The following NEURL4 variants were observed in gnomAD, a reference collection of about 807,000 sequenced individuals.
NEURL4 encodes neuralized-like protein 4.
NEURL4 carries 45 observed loss-of-function variants against 148.0 expected under a neutral mutation model. That is an observed-to-expected ratio of 0.30 (90% CI 0.24 to 0.39). The LOEUF (loss-of-function observed/expected upper bound fraction) is 0.39, where lower values mean the gene tolerates loss of function less well. Ranked by LOEUF, NEURL4 falls within the 10% of genes least tolerant of loss-of-function variation. The pLI is 1.00. For missense variants in NEURL4, 1,776 were observed against 2,144.0 expected, an observed-to-expected ratio of 0.83 and a Z score of 3.39; for synonymous variants, 854 against 869.0, an observed-to-expected ratio of 0.98 and a Z score of 0.30.
Position 7,318,159 on chromosome 17 carries a change from A to C in NEURL4, c.3966T>G (p.Ser1322Arg), listed in dbSNP as rs1203992585. 1.2e-6 allele frequency: 2 copies of C among 1,613,768 alleles called. No individual in the cohort carries two copies. Among genetic ancestry groups the C allele is most frequent in the African/African-American group, 2.7e-5 (2 of 74,806 alleles). Residue 1322 changes from serine to arginine, a missense_variant, in exon 25 of 29, where the codon AGT becomes AGG. Coordinates refer to ENST00000399464, the MANE Select transcript of NEURL4 (RefSeq NM_032442.3). The surrounding 1 kb of genome is among the most constrained non-coding windows in gnomAD (Gnocchi z 4.3). ...CGGCAGGTGGTGGACCCCAGCACAC[A>C]CTCTCTTTGATACCTGAGGGAGCAG... ...KADMVDGIKE[S>R]VCWGPPPAAS...
In NEURL4 at chr17:7,321,951, C is replaced by T. The variant is rs748906958; in HGVS notation, c.2785G>A (p.Asp929Asn). 2.5e-6 allele frequency: 4 copies of T among 1,613,764 alleles called. No individual in the cohort carries two copies. The highest frequency in any genetic ancestry group is 1.6e-4 in the Middle Eastern group (1 of 6,062). Reference sequence around the variant, plus strand: ...GCGGCACGCACTGCCCTCGTGCCATCCTCCTCTAGAGTGACGTTCTTGCCG... The same window carrying T: ...GCGGCACGCACTGCCCTCGTGCCATTCTCCTCTAGAGTGACGTTCTTGCCG... ...TCGKNVTLEE[D>N]GTRAVRAAGY... is the part of the protein sequence containing the mutation. Residue 929 changes from aspartate (D) to asparagine (N), a missense_variant, in exon 17 of 29, where the codon GAT becomes AAT. By Grantham distance (23) the Asp-to-Asn change is conservative. Coordinates refer to ENST00000399464, the MANE Select transcript of NEURL4 (RefSeq NM_032442.3). The surrounding 1 kb of genome is among the most constrained non-coding windows in gnomAD (Gnocchi z 6.3).
rs2072959618 is a variant in NEURL4, at chr17:7,317,195, C to T, written c.4484+10G>A. On this transcript the variant is annotated intron_variant, in intron 28 of 28. Transcript: ENST00000399464. ...CCTGGAAATCTCTCCCCACCCCTCC[C>T]AGTACTCACTGCACTTTGGAGGCCA... The T allele has an allele frequency of 6.7e-7, 1 of 1,496,586 alleles. No homozygotes were observed. The highest frequency in any genetic ancestry group is 8.9e-7 in the Non-Finnish European group (1 of 1,124,914). 92.7% of individuals were successfully genotyped at this position (1,496,586 alleles called of 1,614,324 possible).
At position 7,322,242 on chromosome 17, in the gene NEURL4, C is replaced by T. The variant is rs1219135032; in HGVS notation, c.2726-232G>A. ...GCACAGTCGTGGCTCACTGCAGCCT[C>T]GACTTCCTGGGATCCAGCTATCCTC... On this transcript the variant is annotated intron_variant, in intron 16 of 28. Coordinates refer to ENST00000399464, the MANE Select transcript of NEURL4 (RefSeq NM_032442.3). This position sits in a 1 kb window ranked among gnomAD's most constrained non-coding sequence, Gnocchi z 5.5. Among the ~76,000 whole-genome samples, 1 of 152,166 alleles carries T rather than the reference C, an allele frequency of 6.6e-6. No homozygotes were observed. The highest frequency in any genetic ancestry group is 2.4e-5 in the African/African-American group (1 of 41,426).
intron 28 of NEURL4, 86 bp downstream of exon 28, chr17:7,317,119 G>T: frequency 2.1e-6 from 2 of 945,110 alleles, no homozygotes. Context: ...AAAGGGGAGG[G>T]CGAATCATGA....
intron 26 of NEURL4, 32 bp from the exon 27 acceptor site, chr17:7,317,605 G>A (rs368771695): frequency 7.4e-5 from 118 of 1,599,994 alleles, no homozygotes; most frequent in Non-Finnish European, 8.7e-5. Context: ...CAGATACAAC[G>A]AAGGCCACTG....
intron 28 of NEURL4, among the ~76,000 whole-genome samples, chr17:7,316,587 CCCATTCTTTCTCTGTTT>C (rs1371313166): frequency 6.6e-6 from 1 of 152,216 alleles, no homozygotes; most frequent in Non-Finnish European, 1.5e-5. Flanking sequence ...CTGTCTCCGC[CCCATTCTTTCTCTGTTT>C]CCATAGTCCT....
chr17:7,320,848 T>C lies in NEURL4; in HGVS notation c.3436A>G (p.Asn1146Asp), dbSNP rs1245546083. The C allele has an allele frequency of 6.2e-7, 1 of 1,614,062 alleles. No homozygotes were observed. ...ACCCGTGTGGCCGTACGGTTCCCAT[T>C]AGACAAAAGGATATTCTTCCCATGG... is the stretch of plus-strand genomic sequence containing the variant. ...ENHGKNILLS[N>D]GNRTATRVAS... The change falls in exon 21 of 29, where the codon AAT becomes GAT. Residue 1146 changes from asparagine to aspartate, a missense_variant. By Grantham distance (23) the Asn-to-Asp change is conservative. Coordinates refer to ENST00000399464, the MANE Select transcript of NEURL4 (RefSeq NM_032442.3).
At position 7,322,976 on chromosome 17, in the gene NEURL4, A is replaced by G. The variant is rs369029403; in HGVS notation, c.2565T>C (p.Ala855=). 111 of 1,613,548 alleles carry G rather than the reference A, an allele frequency of 6.9e-5. No individual in the cohort carries two copies. Among genetic ancestry groups the G allele is most frequent in the Non-Finnish European group, 4.9e-5 (58 of 1,179,940 alleles). Reference sequence around the variant, plus strand: ...TACCCGGAGGCAGGCCCGAGCAGGCAGCGCCTTGGTCCTGGCCGTTGATGA... The same window carrying G: ...TACCCGGAGGCAGGCCCGAGCAGGCGGCGCCTTGGTCCTGGCCGTTGATGA... The part of the protein sequence containing the change: ...HYFINGQDQG[A]ACSGLPPGKE... Residue 855 remains alanine, a synonymous_variant, in exon 15 of 29, where the codon GCT becomes GCC. Transcript: ENST00000399464. The surrounding 1 kb of genome is among the most constrained non-coding windows in gnomAD (Gnocchi z 5.5).
rs1044229985 is a variant in NEURL4 at position 7,318,912 on chromosome 17, C to T, written c.3684+138G>A. The T allele has an allele frequency of 1.4e-5, 14 of 1,012,106 alleles. 1 individual carries two copies. The East Asian group carries it at 1.8e-4, about 13-fold the overall frequency. The allele number at this position is 1,012,106 out of a possible 1,614,324, so 62.7% of individuals were successfully genotyped here. ...CTAAGACTGACCAGGCAATGCTACT[C>T]GCCCTTGCCTGCCCATTACTGTTCC... On this transcript the variant is annotated intron_variant, in intron 22 of 28. Coordinates refer to ENST00000399464, the MANE Select transcript of NEURL4 (RefSeq NM_032442.3). The surrounding 1 kb of genome is among the most constrained non-coding windows in gnomAD (Gnocchi z 4.3).
chr17:7,327,408 C>A lies in NEURL4; in HGVS notation c.727+32G>T, dbSNP rs969101064. ...CTCTATTTCCCCCATTCCGTCCCCACCCCACCACCACTGCCCTAGCTGTGT... is the reference window on the plus strand; with the variant it reads ...CTCTATTTCCCCCATTCCGTCCCCAACCCACCACCACTGCCCTAGCTGTGT... On this transcript the variant is annotated intron_variant, in intron 2 of 28. Transcript: ENST00000399464. The surrounding 1 kb of genome is among the most constrained non-coding windows in gnomAD (Gnocchi z 6.6). 1.3e-6 allele frequency: 2 copies of A among 1,518,072 alleles called. No homozygotes were observed. The highest frequency in any genetic ancestry group is 1.4e-5 in the African/African-American group (1 of 72,414). 94.0% of individuals were successfully genotyped at this position (1,518,072 alleles called of 1,614,324 possible).
In NEURL4 at chr17:7,327,096, CT is replaced by C; in HGVS notation, c.793+68del. ...CCTGGTGCCTCTCTCCCTACCCCTTCTCCTGAGGGCCCTCCCTTGTCCACCT... is the reference window on the plus strand; with the variant it reads ...CCTGGTGCCTCTCTCCCTACCCCTTCCCTGAGGGCCCTCCCTTGTCCACCT... On this transcript the variant is annotated intron_variant, in intron 3 of 28. Transcript: ENST00000399464. This position sits in a 1 kb window ranked among gnomAD's most constrained non-coding sequence, Gnocchi z 6.6. 5 of 1,600,530 alleles carry C rather than the reference CT, an allele frequency of 3.1e-6. No individual in the cohort carries two copies. The highest frequency in any genetic ancestry group is 4.3e-6 in the Non-Finnish European group (5 of 1,173,846).
rs1396528532 is a variant in NEURL4 at position 7,327,400 on chromosome 17, C to T, written c.727+40G>A. 4.7e-6 allele frequency: 7 copies of T among 1,500,858 alleles called. No homozygotes were observed. Among genetic ancestry groups the T allele is most frequent in the African/African-American group, 4.2e-5 (3 of 71,850 alleles). 93.0% of individuals were successfully genotyped at this position (1,500,858 alleles called of 1,614,324 possible). ...TCTTGTCACTCTATTTCCCCCATTC[C>T]GTCCCCACCCCACCACCACTGCCCT... On this transcript the variant is annotated intron_variant, in intron 2 of 28. Transcript: ENST00000399464. The surrounding 1 kb of genome is among the most constrained non-coding windows in gnomAD (Gnocchi z 6.6).
Position 7,321,408 on chromosome 17 carries a change from G to C in NEURL4, c.3151C>G (p.Leu1051Val). The C allele has an allele frequency of 6.2e-7, 1 of 1,614,128 alleles. No homozygotes were observed. Among genetic ancestry groups the C allele is most frequent in the Non-Finnish European group, 8.5e-7 (1 of 1,180,018 alleles). Residue 1051 changes from leucine to valine, a missense_variant, in exon 19 of 29, where the codon CTG (leucine) becomes GTG (valine). Physicochemically the swap from Leu to Val is conservative, Grantham distance 32. Coordinates refer to ENST00000399464, the MANE Select transcript of NEURL4 (RefSeq NM_032442.3). The surrounding 1 kb of genome is among the most constrained non-coding windows in gnomAD (Gnocchi z 6.3). ...GGCCCCATATCCTCTCCATCCACCA[G>C]GATGTGCATCGTGTCATCTGCCCCC... Reference protein sequence around the residue: ...RRGADDTMHILVDGEDMGPAA... With the variant: ...RRGADDTMHIVVDGEDMGPAA...
rs755227228 is a variant in NEURL4, at chr17:7,329,151, C to G, written c.162G>C (p.Leu54=). The change falls in exon 1 of 29, where the codon CTG becomes CTC. Residue 54 remains leucine, a synonymous_variant. Coordinates refer to ENST00000399464, the MANE Select transcript of NEURL4 (RefSeq NM_032442.3). ...LHPRTGRLVS[L]SACGRTARRQ... ...GCCGCGCCGTACGCCCACAGGCCGA[C>G]AGGCTCACCAAGCGCCCAGTGCGCG... 24 of 1,607,500 alleles carry G rather than the reference C, an allele frequency of 1.5e-5. No individual in the cohort carries two copies. Among genetic ancestry groups the G allele is most frequent in the Admixed American group, 1.3e-4 (8 of 59,688 alleles).
chr17:7,325,600 C>CG (rs2073094143), intron 7 of NEURL4, 41 bp downstream of exon 7: 2 of 1,603,080 alleles, frequency 1.2e-6, no homozygotes, highest in Non-Finnish European at 1.7e-6. Context: ...CCAGCCCCAC[C>CG]GAAAGCCCCG....
rs373677931 is a variant in NEURL4, at chr17:7,323,015, G to A, written c.2526C>T (p.Gly842=). Residue 842 remains glycine (G), a synonymous_variant, in exon 15 of 29, where the codon GGC becomes GGT. Transcript: ENST00000399464. The part of the protein sequence containing the change: ...ARIGMMRTAK[G]DLHYFINGQD... Reference sequence around the variant, plus strand: ...GGCCGTTGATGAAGTAGTGCAGGTCGCCCTTGGCAGTTCGCATCATGCCAA... The same window carrying A: ...GGCCGTTGATGAAGTAGTGCAGGTCACCCTTGGCAGTTCGCATCATGCCAA... 27 of 1,613,606 alleles carry A rather than the reference G, an allele frequency of 1.7e-5. No homozygotes were observed. The highest frequency in any genetic ancestry group is 5.0e-5 in the Admixed American group (3 of 59,994).
rs2072974454 is a variant in NEURL4, at chr17:7,318,054, G to A, written c.4060+11C>T. ...GGAATGAAGTCAGTTCTGGCGGACT[G>A]TGGGACTCACCGGGAAGCAGCAGGA... On this transcript the variant is annotated intron_variant, in intron 25 of 28. Coordinates refer to ENST00000399464, the MANE Select transcript of NEURL4 (RefSeq NM_032442.3). The surrounding 1 kb of genome is among the most constrained non-coding windows in gnomAD (Gnocchi z 4.3). The A allele has an allele frequency of 6.2e-7, 1 of 1,613,944 alleles. No homozygotes were observed. Among genetic ancestry groups the A allele is most frequent in the Non-Finnish European group, 8.5e-7 (1 of 1,179,786 alleles).
intron 1 of NEURL4, among the ~76,000 whole-genome samples, chr17:7,328,245 G>A (rs1337189812): frequency 1.3e-5 from 2 of 151,964 alleles, no homozygotes; most frequent in South Asian, 2.1e-4. Flanking sequence ...CTTTCCCCTG[G>A]CCTAATTCTC....
intron 26 of NEURL4, 73 bp downstream of exon 26, chr17:7,317,715 T>C (rs2072969216): frequency 2.4e-5 from 38 of 1,593,568 alleles, no homozygotes; most frequent in Non-Finnish European, 2.4e-5. Context: ...ACTTCTTCCA[T>C]GCACCCTCTT....
Sources: allele counts gnomAD v4.1 joint callset (sites outside exome capture counted in the v4.1 genomes callset), GRCh38; gene constraint gnomAD v4.1.1; non-coding constraint Gnocchi (gnomAD v3.1); transcripts MANE v1.5; gene names NCBI Gene and HGNC (gene_info 2026-07-23, HGNC 2026-07-21).